Variants in LRP2 observed in about 807,000 individuals in gnomAD.
LRP2 encodes the protein low-density lipoprotein receptor-related protein 2.
In LRP2, 172 loss-of-function variants were observed where a neutral mutation model predicts 531.0. The ratio of observed to expected loss-of-function variants is 0.32; its 90% CI spans 0.29 to 0.37. The LOEUF is 0.37. Ranked by LOEUF, LRP2 falls within the 10% of genes least tolerant of loss-of-function variation. The pLI, the probability that LRP2 is intolerant of heterozygous loss-of-function variation, is 1.00. For missense variants in LRP2, 5,167 were observed against 5,868.3 expected (o/e 0.88, Z 3.90); for synonymous variants, 1,992 against 2,027.6 (o/e 0.98, Z 0.47).
At chr2:169,327,318 C>T (rs1397934603) in intron 1 of LRP2, among the ~76,000 whole-genome samples, 323 of 92,246 alleles carry the variant, frequency 3.5e-3, no homozygotes, top group Middle Eastern at 0.01. Flanking sequence ...GAGGTGGGGT[C>T]AGCCCCCCGC....
intron 16 of LRP2, among the ~76,000 whole-genome samples, chr2:169,270,375 G>T (rs911377715): frequency 6.6e-6 from 1 of 152,134 alleles, no homozygotes; most frequent in African/African-American, 2.4e-5. Context: ...ATCAATGATA[G>T]ACTGGATTAA....
intron 76 of LRP2, among the ~76,000 whole-genome samples, chr2:169,134,055 AAAC>A (rs1282393079): frequency 2.6e-5 from 4 of 152,138 alleles, no homozygotes; most frequent in South Asian, 2.1e-4. Flanking sequence ...CCCTTCTACA[AAAC>A]AACAACTCCT....
At chr2:169,197,408 T>C (rs928247627) in intron 45 of LRP2, among the ~76,000 whole-genome samples, 29 of 152,296 alleles carry the variant, frequency 1.9e-4, no homozygotes, top group African/African-American at 6.3e-4. Context: ...AGCAAAACAA[T>C]AATGTGATCA....
chr2:169,323,067 A>AT (rs763175167), intron 1 of LRP2, among the ~76,000 whole-genome samples: 1 of 152,214 alleles, frequency 6.6e-6, no homozygotes, highest in Non-Finnish European at 1.5e-5. Flanking sequence ...AAGTCATTTT[A>AT]TAAAACACTT....
In LRP2 at chr2:169,358,718, T is replaced by C. The variant is rs138649052; in HGVS notation, c.79+3603A>G. On this transcript the variant is annotated intron_variant, in intron 1 of 78. Transcript: ENST00000649046. ...TTAAAGAATATAATGTTGGACCAGG[T>C]AAGGTGGCTCCTGCCTATAATGTCA... Among the ~76,000 whole-genome samples, 469 of 152,218 alleles carry C rather than the reference T, an allele frequency of 3.1e-3. 2 individuals are homozygous for C. Among genetic ancestry groups the C allele is most frequent in the South Asian group, 7.5e-3 (36 of 4,820 alleles).
chr2:169,162,718 A>G, intron 62 of LRP2, 118 bp from the exon 63 acceptor site: 1 of 1,073,814 alleles, frequency 9.3e-7, no homozygotes, highest in South Asian at 1.3e-5. Context: ...TACATTTCCC[A>G]GTCTCCCTTG....
intron 29 of LRP2, among the ~76,000 whole-genome samples, chr2:169,234,696 C>A (rs1281439760): frequency 6.6e-6 from 1 of 152,142 alleles, no homozygotes; most frequent in African/African-American, 2.4e-5. Flanking sequence ...TGAGGAATTG[C>A]CACACTATCT....
At chr2:169,318,713 G>T in intron 3 of LRP2, 49 bp downstream of exon 3, 1 of 1,613,470 alleles carries the variant, frequency 6.2e-7, no homozygotes, top group African/African-American at 1.3e-5. Context: ...GACAGGTTGG[G>T]TTTTAGGTGT....
In LRP2 at chr2:169,280,248, G is replaced by A. The variant is rs1251935112; in HGVS notation, c.1341+102C>T. ...ATAAAATATCTCAAGGGCCTTTTTT[G>A]TTAGAAAACAAAGGAACTTTCCCCT... On this transcript the variant is annotated intron_variant, in intron 11 of 78. Transcript: ENST00000649046. The A allele has an allele frequency of 5.3e-6, 7 of 1,317,118 alleles. No homozygotes were observed. The African/African-American group carries it at 7.4e-5, about 14-fold the overall frequency. The allele number at this position is 1,317,118 out of a possible 1,614,324, so 81.6% of individuals were successfully genotyped here. A position where few individuals can be genotyped will look rare whatever the true frequency, so the allele number is the denominator to read the frequency against.
At position 169,209,629 on chromosome 2, in the gene LRP2, A is replaced by G; in HGVS notation, c.6293T>C (p.Leu2098Pro). The change falls in exon 38 of 79, where the codon CTG (leucine) becomes CCG (proline). Residue 2098 changes from leucine (L) to proline (P), a missense_variant. Transcript: ENST00000649046. ...AGAGGACACATCCACATCCACATGC[A>G]GTGCGTTTCGTCCTGGAAGTTAAGA... is the stretch of plus-strand genomic sequence containing the variant. ...VPVAGQGRNA[L>P]HVDVDVSSGF... The G allele has an allele frequency of 3.7e-6, 6 of 1,614,112 alleles. No homozygotes were observed. Among genetic ancestry groups the G allele is most frequent in the Non-Finnish European group, 5.1e-6 (6 of 1,179,992 alleles).
In LRP2 at chr2:169,206,849, T is replaced by A. The variant is rs1432562214; in HGVS notation, c.6871A>T (p.Ile2291Leu). The A allele has an allele frequency of 6.2e-7, 1 of 1,614,188 alleles. No homozygotes were observed. ...YGITVFENSI[I>L]WVDRNLKKIF... ...TTTTTCAAATTCCTATCTACCCATATGATAGAATTTTCAAAAACAGTGATG... is the reference window on the plus strand; with the variant it reads ...TTTTTCAAATTCCTATCTACCCATAAGATAGAATTTTCAAAAACAGTGATG... The change falls in exon 39 of 79, where the codon ATA (isoleucine) becomes TTA (leucine). Residue 2291 changes from isoleucine to leucine, a missense_variant. This residue lies in a region of LRP2 where 2,811 missense variants were observed against 3,058.0 expected (regional missense o/e 0.92). Transcript: ENST00000649046.
intron 54 of LRP2, 112 bp downstream of exon 54, chr2:169,176,299 T>A: frequency 8.0e-7 from 1 of 1,255,262 alleles, no homozygotes; most frequent in Non-Finnish European, 1.1e-6. Context: ...TGAACCAAGT[T>A]AATTAACCAA....
intron 69 of LRP2, 127 bp downstream of exon 69, chr2:169,146,612 G>T: frequency 1.4e-6 from 1 of 698,894 alleles, no homozygotes; most frequent in East Asian, 2.7e-5. Flanking sequence ...GGGGGTGGAG[G>T]GGTGGTATCT....
chr2:169,264,632 G>C (rs1690718922), intron 16 of LRP2, among the ~76,000 whole-genome samples: 1 of 152,040 alleles, frequency 6.6e-6, no homozygotes, highest in Admixed American at 6.6e-5. Context: ...TTGGAGGAGT[G>C]ATAACTCAGT....
rs1320031295 is a variant in LRP2 at position 169,257,108 on chromosome 2, G to A, written c.2639+16C>T. 20 of 1,612,000 alleles carry A rather than the reference G, an allele frequency of 1.2e-5. No individual in the cohort carries two copies. The highest frequency in any genetic ancestry group is 1.7e-5 in the Admixed American group (1 of 59,858). On this transcript the variant is annotated intron_variant, in intron 18 of 78. Coordinates refer to ENST00000649046, the MANE Select transcript of LRP2 (RefSeq NM_004525.3). ...TAAAAGAGAACTAAGTATCGGGGAT[G>A]ATGATTCCTACTTACGCCCAATCGA...
At chr2:169,305,795 T>C (rs1253993878) in intron 4 of LRP2, among the ~76,000 whole-genome samples, 4 of 152,218 alleles carry the variant, frequency 2.6e-5, no homozygotes. Context: ...AAGATTATAA[T>C]ACCATATTTT....
chr2:169,263,759 G>T (rs1289204563), intron 16 of LRP2, among the ~76,000 whole-genome samples: 2 of 152,130 alleles, frequency 1.3e-5, no homozygotes, highest in Non-Finnish European at 2.9e-5. Context: ...TATACCCAGA[G>T]GACTATAAAT....
At chr2:169,130,518 T>C (rs1167506786) in intron 77 of LRP2, among the ~76,000 whole-genome samples, 1 of 152,140 alleles carries the variant, frequency 6.6e-6, no homozygotes, top group Non-Finnish European at 1.5e-5. Flanking sequence ...GAACTCCTGA[T>C]GTCATGATCC....
Position 169,162,643 on chromosome 2 carries a change from T to G in LRP2, c.11759-43A>C, listed in dbSNP as rs759884992. 5.6e-6 allele frequency: 9 copies of G among 1,599,874 alleles called. No individual in the cohort carries two copies. The African/African-American group carries it at 1.2e-4, about 21-fold the overall frequency. ...GTTAAAATCAAAACTTTTTCTTTTA[T>G]GAAGCAAGATACTTCCTTCTTTGAC... On this transcript the variant is annotated intron_variant, in intron 62 of 78. Transcript: ENST00000649046.
Sources: allele counts gnomAD v4.1 joint callset (sites outside exome capture counted in the v4.1 genomes callset), GRCh38; gene constraint gnomAD v4.1.1; regional missense constraint gnomAD v4.1.1; transcripts MANE v1.5; gene names NCBI Gene and HGNC (gene_info 2026-07-23, HGNC 2026-07-21).